Variants in HDAC6 observed in about 807,000 individuals in gnomAD.
HDAC6 encodes protein deacetylase HDAC6.
HDAC6 carries 5 observed loss-of-function variants against 88.9 expected under a neutral mutation model. The ratio of observed to expected loss-of-function variants is 0.06; its 90% CI spans 0.03 to 0.12. The LOEUF (loss-of-function observed/expected upper bound fraction) is 0.12, where lower values mean the gene tolerates loss of function less well. HDAC6 is among the 10% of genes least tolerant of loss of function. The pLI is 1.00. For synonymous variants in HDAC6, 378 were observed against 398.0 expected (o/e 0.95, Z 0.60); for missense variants, 706 against 1,014.4 (o/e 0.70, Z 4.13).
chrX:48,808,407 G>A (rs1313893080), intron 10 of HDAC6, 81 bp downstream of exon 10: 2 of 655,320 alleles, frequency 3.1e-6, no homozygotes, highest in African/African-American at 2.2e-5. Flanking sequence ...GGTCCAGAAG[G>A]AGGAAAAGGC....
chrX:48,819,170 C>T (rs1227152040), intron 22 of HDAC6, among the ~76,000 whole-genome samples: 2 of 111,896 alleles, frequency 1.8e-5, no homozygotes, highest in Non-Finnish European at 3.8e-5. Context: ...TGCATGTCGC[C>T]ATTGTGGCTG....
chrX:48,815,162 A>T, intron 14 of HDAC6, 111 bp downstream of exon 14: 1 of 670,313 alleles, frequency 1.5e-6, no homozygotes, highest in Non-Finnish European at 2.3e-6. Context: ...TAGCTGGACA[A>T]CCTTGCATAA....
Position 48,824,657 on chromosome X carries a change from A to G in HDAC6, c.*45A>G, listed in dbSNP as rs2063139221. On this transcript the variant is annotated 3_prime_UTR_variant, in exon 29 of 29. Transcript: ENST00000334136. ...CTTCACCTTCTGAGGCCCACGATAG[A>G]CCAGCTGTAGCTCATTCCAGCCTGT... 8.4e-7 allele frequency: 1 copy of G among 1,193,863 alleles called. No homozygotes were observed. Among genetic ancestry groups the G allele is most frequent in the Non-Finnish European group, 1.1e-6 (1 of 885,117 alleles).
chrX:48,816,159 C>A lies in HDAC6; in HGVS notation c.1512C>A (p.Pro504=). 1 of 1,211,440 alleles carries A rather than the reference C, an allele frequency of 8.3e-7. No individual in the cohort carries two copies. The highest frequency in any genetic ancestry group is 1.1e-6 in the Non-Finnish European group (1 of 895,540). ...NLWDSHHPEV[P]QRILRIMCRL... ...CTGCTAGCCACCACCCTGAGGTACC[C>A]CAGCGCATCTTGCGGATCATGTGCC... is the stretch of plus-strand genomic sequence containing the variant. The change falls in exon 18 of 29, where the codon CCC becomes CCA. Residue 504 remains proline (P), a synonymous_variant. Transcript: ENST00000334136.
chrX:48,824,855 A>AG lies in HDAC6; in HGVS notation c.*249dup, dbSNP rs1602286898. ...CACCACTACTCCAGCCCAGAAGGAAAGGGGGGCAGCTCAGTGGCCCCAAGA... is the reference window on the plus strand; with the variant it reads ...CACCACTACTCCAGCCCAGAAGGAAAGGGGGGGCAGCTCAGTGGCCCCAAGA... On this transcript the variant is annotated 3_prime_UTR_variant, in exon 29 of 29. Coordinates refer to ENST00000334136, the MANE Select transcript of HDAC6 (RefSeq NM_006044.4). The AG allele has an allele frequency of 7.1e-6, 8 of 1,120,646 alleles. No individual in the cohort carries two copies. Among genetic ancestry groups the AG allele is most frequent in the Non-Finnish European group, 9.4e-6 (8 of 852,791 alleles). 92.4% of individuals were successfully genotyped at this position (1,120,646 alleles called of 1,213,427 possible).
intron 19 of HDAC6, chrX:48,817,067 G>A (rs1358600006): frequency 1.1e-5 from 3 of 275,778 alleles, no homozygotes; most frequent in African/African-American, 8.5e-5. Flanking sequence ...GGATAACATG[G>A]TGAAACCCCG....
Position 48,822,755 on chromosome X carries a change from C to G in HDAC6, c.2473C>G (p.Gln825Glu). Residue 825 changes from glutamine to glutamate, a missense_variant, in exon 24 of 29, where the codon CAA becomes GAA. By Grantham distance (29) the Gln-to-Glu change is conservative. Coordinates refer to ENST00000334136, the MANE Select transcript of HDAC6 (RefSeq NM_006044.4). The stretch of plus-strand genomic sequence containing the variant: ...CCTGGCCTCAATCACTGAGACCATC[C>G]AAGTCCATCGCAGATACTGGCGCAG... The part of the protein sequence containing the change: ...GALASITETI[Q>E]VHRRYWRSLR... 1 of 1,207,365 alleles carries G rather than the reference C, an allele frequency of 8.3e-7. No individual in the cohort carries two copies. The highest frequency in any genetic ancestry group is 1.1e-6 in the Non-Finnish European group (1 of 892,912).
In HDAC6 at chrX:48,806,619, C is replaced by T; in HGVS notation, c.545C>T (p.Ser182Phe). Residue 182 changes from serine (S) to phenylalanine (F), a missense_variant, in exon 8 of 29, where the codon TCC becomes TTC. Transcript: ENST00000334136. ...DSVYLHPNSY[S>F]CACLASGSVL... ...CCACTGTCTCTCCAGAACTCATACT[C>T]CTGTGCCTGCCTGGCCTCAGGCTCT... is the stretch of plus-strand genomic sequence containing the variant. The T allele has an allele frequency of 8.3e-7, 1 of 1,205,717 alleles. No individual in the cohort carries two copies. Among genetic ancestry groups the T allele is most frequent in the Non-Finnish European group, 1.1e-6 (1 of 890,333 alleles).
In HDAC6 at chrX:48,816,523, C is replaced by T; in HGVS notation, c.1681C>T (p.Arg561Cys). Residue 561 changes from arginine to cysteine, a missense_variant, in exon 19 of 29, where the codon CGT becomes TGT. Coordinates refer to ENST00000334136, the MANE Select transcript of HDAC6 (RefSeq NM_006044.4). Reference protein sequence around the residue: ...TEKMKTRELHRESSNFDSIYI... With the variant: ...TEKMKTRELHCESSNFDSIYI... ...GAAAATGAAAACCCGGGAGCTGCAC[C>T]GTGAGAGTTCCAACTTTGACTCCAT... 4 of 1,209,618 alleles carry T rather than the reference C, an allele frequency of 3.3e-6. No homozygotes were observed. The highest frequency in any genetic ancestry group is 2.2e-5 in the Admixed American group (1 of 45,954).
chrX:48,816,425 C>A, intron 18 of HDAC6, 40 bp from the exon 19 acceptor site: 1 of 1,160,628 alleles, frequency 8.6e-7, no homozygotes, highest in Non-Finnish European at 1.2e-6. Context: ...GGGACAGACC[C>A]TCCTCACTGT....
intron 1 of HDAC6, chrX:48,802,400 T>C: frequency 2.2e-6 from 2 of 915,914 alleles, no homozygotes; most frequent in Non-Finnish European, 2.8e-6. Flanking sequence ...CGGGGGCTCA[T>C]TGCTCCGTGA....
At position 48,814,483 on chromosome X, in the gene HDAC6, T is replaced by C. The variant is rs1569503701; in HGVS notation, c.850T>C (p.Trp284Arg). The change falls in exon 11 of 29, where the codon TGG becomes CGG. Residue 284 changes from tryptophan to arginine, a missense_variant. Physicochemically the swap from Trp to Arg is moderately radical, Grantham distance 101 (BLOSUM62 -3). Transcript: ENST00000334136. Reference sequence around the variant, plus strand: ...CCACCGCTACGAGCAGGGTAGGTTCTGGCCCCACCTGAAGGCCTCTAACTG... The same window carrying C: ...CCACCGCTACGAGCAGGGTAGGTTCCGGCCCCACCTGAAGGCCTCTAACTG... ...SIHRYEQGRF[W>R]PHLKASNWST... The C allele has an allele frequency of 8.3e-7, 1 of 1,211,561 alleles. No homozygotes were observed. Among genetic ancestry groups the C allele is most frequent in the Non-Finnish European group, 1.1e-6 (1 of 895,001 alleles).
At chrX:48,819,174 G>A (rs1417035577) in intron 22 of HDAC6, among the ~76,000 whole-genome samples, 3 of 112,483 alleles carry the variant, frequency 2.7e-5, no homozygotes, top group Non-Finnish European at 5.6e-5. Flanking sequence ...TGTCGCCATT[G>A]TGGCTGTGTG....
chrX:48,807,761 C>T lies in HDAC6; in HGVS notation c.633-272C>T, dbSNP rs1412771947. Reference sequence around the variant, plus strand: ...TCTCTTGACCTCGTGGTCCACCCACCTCGGCCTCCCAAAGTGCTGGGATTA... The same window carrying T: ...TCTCTTGACCTCGTGGTCCACCCACTTCGGCCTCCCAAAGTGCTGGGATTA... On this transcript the variant is annotated intron_variant, in intron 8 of 28. Transcript: ENST00000334136. Among the ~76,000 whole-genome samples, 6 of 112,190 alleles carry T rather than the reference C, an allele frequency of 5.3e-5. No individual in the cohort carries two copies. The Admixed American group carries it at 5.7e-4, about 11-fold the overall frequency.
intron 22 of HDAC6, 151 bp from the exon 23 acceptor site, chrX:48,819,955 C>T (rs2063053950): frequency 1.8e-6 from 1 of 555,201 alleles, no homozygotes; most frequent in African/African-American, 2.3e-5. Flanking sequence ...TTTTGTGTCT[C>T]CTAGTCTCCA....
rs182026802 is a variant in HDAC6 at position 48,803,229 on chromosome X, C to T, written c.311+13C>T. On this transcript the variant is annotated intron_variant, in intron 4 of 28. Coordinates refer to ENST00000334136, the MANE Select transcript of HDAC6 (RefSeq NM_006044.4). ...TCTGGGATGACAGGTGAGGCTGGGT[C>T]CTCCAGGCTGTCTCCAAACCACAAA... The T allele has an allele frequency of 6.9e-6, 8 of 1,162,538 alleles. No individual in the cohort carries two copies. The Admixed American group carries it at 1.3e-4, about 19-fold the overall frequency.
At position 48,816,632 on chromosome X, in the gene HDAC6, A is replaced by G; in HGVS notation, c.1790A>G (p.Glu597Gly). The G allele has an allele frequency of 8.3e-7, 1 of 1,204,432 alleles. No homozygotes were observed. The highest frequency in any genetic ancestry group is 1.1e-6 in the Non-Finnish European group (1 of 892,013). The change falls in exon 19 of 29, where the codon GAG (glutamate) becomes GGG (glycine). Residue 597 changes from glutamate (E) to glycine (G), a missense_variant and splice_region_variant. Glu to Gly is a moderately conservative substitution (Grantham distance 98). Coordinates refer to ENST00000334136, the MANE Select transcript of HDAC6 (RefSeq NM_006044.4). ...CTGGTGGAGGCTGTGCTCTCAGGAG[A>G]GGTGTGTCCTCTGTGGGCTGGGGAG... ...CRLVEAVLSG[E>G]VLNGAAVVRP...
rs1557030484 is a variant in HDAC6 at position 48,822,892 on chromosome X, A to G, written c.2513-20A>G. The G allele has an allele frequency of 8.6e-7, 1 of 1,168,480 alleles. No individual in the cohort carries two copies. The highest frequency in any genetic ancestry group is 3.0e-5 in the East Asian group (1 of 33,443). ...AGGGTGACAGTACCCACACTCAAGG[A>G]TCTCCCTCCCTGGTTCCAGAGGTAG... is the stretch of plus-strand genomic sequence containing the variant. On this transcript the variant is annotated intron_variant, in intron 24 of 28. Coordinates refer to ENST00000334136, the MANE Select transcript of HDAC6 (RefSeq NM_006044.4).
At chrX:48,813,968 T>C (rs781984478) in intron 10 of HDAC6, 2 of 116,952 alleles carry the variant, frequency 1.7e-5, no homozygotes, top group East Asian at 5.5e-4. Context: ...CCATGCTCCA[T>C]TTGGGCCTCC....
Sources: gnomAD v4.1 joint callset for allele counts (sites outside exome capture counted in the v4.1 genomes callset) on GRCh38, gnomAD v4.1.1 for gene constraint, MANE v1.5 for transcripts, NCBI Gene and HGNC (gene_info 2026-07-23, HGNC 2026-07-21) for gene names.